CELF2: variants seen among roughly 807,000 people sequenced by gnomAD.
CELF2 encodes CUG triplet repeat RNA-binding protein 2.
CELF2 carries 8 observed loss-of-function variants against 62.6 expected under a neutral mutation model. That is an observed-to-expected ratio of 0.13 (90% confidence interval 0.07 to 0.23). The LOEUF (loss-of-function observed/expected upper bound fraction) is 0.23, where lower values mean the gene tolerates loss of function less well. Ranked by LOEUF, CELF2 falls within the 10% of genes least tolerant of loss-of-function variation. The probability of loss-of-function intolerance (pLI) is 1.00; values close to 1 mark genes in which losing one functional copy is unlikely to be tolerated. For missense variants in CELF2, 333 were observed against 671.0 expected (o/e 0.50, Z 5.56); for synonymous variants, 258 against 250.0 (o/e 1.03, Z -0.30).
At chr10:10,535,883 A>ATTTTAGACTT in the CELF2 span, among the ~76,000 whole-genome samples, 1 of 152,112 alleles carries the variant, frequency 6.6e-6, no homozygotes, top group Non-Finnish European at 1.5e-5. Context: ...ATGAGCCATA[A>ATTTTAGACTT]TTTTAGACTT....
chr10:10,706,013 T>G, the CELF2 span, among the ~76,000 whole-genome samples: 3 of 152,206 alleles, frequency 2.0e-5, no homozygotes, highest in Non-Finnish European at 4.4e-5. Context: ...CCAGCCGGAC[T>G]GAGCTAACTT....
At chr10:10,534,638 C>T in the CELF2 span, among the ~76,000 whole-genome samples, 3 of 152,066 alleles carry the variant, frequency 2.0e-5, no homozygotes, top group Non-Finnish European at 4.4e-5. Flanking sequence ...TGTAGTTCTA[C>T]GCCTGTCTTC....
At chr10:11,038,120 A>C (rs2061261904) in intron 1 of CELF2, among the ~76,000 whole-genome samples, 1 of 152,252 alleles carries the variant, frequency 6.6e-6, no homozygotes. Flanking sequence ...TGAAGCTCGC[A>C]TGAGAAATGC....
the CELF2 span, among the ~76,000 whole-genome samples, chr10:10,657,925 C>T: frequency 5.9e-5 from 9 of 152,126 alleles, no homozygotes; most frequent in Non-Finnish European, 1.0e-4. Context: ...GCTTGCTTTG[C>T]CCTGTTATTA....
the CELF2 span, among the ~76,000 whole-genome samples, chr10:10,739,928 AATC>A: frequency 6.6e-6 from 1 of 151,956 alleles, no homozygotes; most frequent in Non-Finnish European, 1.5e-5. Context: ...CCCCCTTTTT[AATC>A]AGGTTATTTG....
the CELF2 span, among the ~76,000 whole-genome samples, chr10:10,654,165 C>A: frequency 7.4e-6 from 1 of 134,354 alleles, no homozygotes; most frequent in Non-Finnish European, 1.6e-5. Context: ...AAGACTAAAC[C>A]AGGAAGAAGT....
At chr10:10,466,004 C>T in the CELF2 span, among the ~76,000 whole-genome samples, 1 of 152,126 alleles carries the variant, frequency 6.6e-6, no homozygotes, top group South Asian at 2.1e-4. Context: ...GTTCTAGCAT[C>T]TGTTCAAATG....
At chr10:10,603,048 A>G in the CELF2 span, among the ~76,000 whole-genome samples, 1 of 152,210 alleles carries the variant, frequency 6.6e-6, no homozygotes, top group Non-Finnish European at 1.5e-5. Context: ...TAACTTTACC[A>G]AGTAGACATA....
chr10:11,329,926 T>C lies in CELF2; in HGVS notation c.*873T>C, dbSNP rs1432047956. Reference sequence around the variant, plus strand: ...AAAGCATTTCTATTTTTATACAAAATTTTTACTGCCTCAGAAATAATGGAA... The same window carrying C: ...AAAGCATTTCTATTTTTATACAAAACTTTTACTGCCTCAGAAATAATGGAA... On this transcript the variant is annotated 3_prime_UTR_variant, in exon 13 of 13. Coordinates refer to ENST00000633077, the MANE Select transcript of CELF2 (RefSeq NM_001326342.2). This position sits in a 1 kb window ranked among gnomAD's most constrained non-coding sequence, Gnocchi z 5.5. The C allele has an allele frequency of 6.6e-6, 1 of 152,648 alleles. No homozygotes were observed. Among genetic ancestry groups the C allele is most frequent in the Non-Finnish European group, 1.5e-5 (1 of 68,034 alleles). The allele number at this position is 152,648 out of a possible 1,614,324, so 9.5% of individuals were successfully genotyped here. A position where few individuals can be genotyped will look rare whatever the true frequency, so the allele number is the denominator to read the frequency against.
chr10:11,052,931 T>C (rs575452702), intron 1 of CELF2, among the ~76,000 whole-genome samples: 1 of 152,368 alleles, frequency 6.6e-6, no homozygotes, highest in East Asian at 1.9e-4. Context: ...TTTTCAGAGC[T>C]TCTTGTCCTT....
rs2082788887 is a variant in CELF2 at position 11,268,512 on chromosome 10, A to G, written c.618+1835A>G. ...GATCATAAAGCAGAACTGGGCATGA[A>G]CCAGGCTGAGAAACAGTAGGTTCCC... On this transcript the variant is annotated intron_variant, in intron 6 of 12. Transcript: ENST00000633077. This position sits in a 1 kb window ranked among gnomAD's most constrained non-coding sequence, Gnocchi z 4.7. Among the ~76,000 whole-genome samples the G allele has an allele frequency of 1.3e-5, 2 of 152,200 alleles. No homozygotes were observed. The highest frequency in any genetic ancestry group is 1.3e-4 in the Admixed American group (2 of 15,276).
At chr10:10,798,545 T>G, upstream of CELF2, 1 of 389,338 alleles carries the variant, frequency 2.6e-6, no homozygotes, top group Non-Finnish European at 4.5e-6. Context: ...TACCGGGGCT[T>G]TAAAAGGTGG....
chr10:10,973,206 A>C (rs953213074), intron 2 of CELF2, among the ~76,000 whole-genome samples: 2 of 151,872 alleles, frequency 1.3e-5, no homozygotes, highest in Non-Finnish European at 2.9e-5. Flanking sequence ...GCTTGAGCCC[A>C]GGAGGCAGAG....
At chr10:11,291,277 T>A (rs1161591575) in intron 9 of CELF2, among the ~76,000 whole-genome samples, 2 of 152,186 alleles carry the variant, frequency 1.3e-5, no homozygotes, top group Non-Finnish European at 2.9e-5. Flanking sequence ...TTAATTTTTT[T>A]AATAATTGTA....
At chr10:10,795,969 C>A (rs1471175064), upstream of CELF2, among the ~76,000 whole-genome samples, 1 of 152,084 alleles carries the variant, frequency 6.6e-6, no homozygotes, top group South Asian at 2.1e-4. Flanking sequence ...CCCATCCCCA[C>A]CCCAGTGTCT....
At position 11,178,109 on chromosome 10, in the gene CELF2, T is replaced by C. The variant is rs1368028636; in HGVS notation, c.271+12427T>C. Among the ~76,000 whole-genome samples, 4 of 152,244 alleles carry C rather than the reference T, an allele frequency of 2.6e-5. No individual in the cohort carries two copies. The highest frequency in any genetic ancestry group is 1.9e-4 in the East Asian group (1 of 5,204). ...AGCTGCAGCCATGCTACCTGCCACA[T>C]GCCCTGGCCTGCGTCAGCGTTATGG... On this transcript the variant is annotated intron_variant, in intron 2 of 12. Coordinates refer to ENST00000633077, the MANE Select transcript of CELF2 (RefSeq NM_001326342.2). This position sits in a 1 kb window ranked among gnomAD's most constrained non-coding sequence, Gnocchi z 4.3.
chr10:11,150,481 T>A (rs1422876666), intron 1 of CELF2, among the ~76,000 whole-genome samples: 1 of 152,226 alleles, frequency 6.6e-6, no homozygotes, highest in African/African-American at 2.4e-5. Context: ...ATTGCCCTTA[T>A]ATAATGGTCT....
chr10:10,816,231 G>A (rs2056453146), intron 1 of CELF2, among the ~76,000 whole-genome samples: 1 of 152,072 alleles, frequency 6.6e-6, no homozygotes, highest in African/African-American at 2.4e-5. Flanking sequence ...TGGCTGAAGA[G>A]GCCCTGTGTT....
chr10:10,547,218 A>G, the CELF2 span, among the ~76,000 whole-genome samples: 3 of 152,154 alleles, frequency 2.0e-5, no homozygotes, highest in African/African-American at 7.2e-5. Flanking sequence ...ATACTTGCCT[A>G]TCGAGAAATA....
Sources: allele counts gnomAD v4.1 joint callset (sites outside exome capture counted in the v4.1 genomes callset), GRCh38; gene constraint gnomAD v4.1.1; non-coding constraint Gnocchi (gnomAD v3.1); transcripts MANE v1.5; gene names NCBI Gene and HGNC (gene_info 2026-07-23, HGNC 2026-07-21).